Variants in SLC12A6 observed in about 807,000 individuals in gnomAD.
SLC12A6 encodes the protein solute carrier family 12 member 6.
Under a neutral mutation model 135.3 loss-of-function variants are expected in SLC12A6, and 66 were observed. That is an observed-to-expected ratio of 0.49 (90% CI 0.40 to 0.60). The LOEUF is 0.60. Ranked by LOEUF, SLC12A6 falls within the 20% of genes least tolerant of loss-of-function variation. SLC12A6 has a pLI of 0.00. For missense variants in SLC12A6, 1,058 were observed against 1,452.3 expected (o/e 0.73, Z 4.41); for synonymous variants, 513 against 508.8 (o/e 1.01, Z -0.11).
rs1892854763 is a variant in SLC12A6, at chr15:34,257,800, G to A, written c.544-12C>T. ...CCCATTTGGGGGGTCTAGAAAGAAA[G>A]ACATTGATAAAAAATCACACAGTTA... On this transcript the variant is annotated splice_polypyrimidine_tract_variant and intron_variant, in intron 5 of 25. Transcript: ENST00000354181. 1 of 1,584,090 alleles carries A rather than the reference G, an allele frequency of 6.3e-7. No individual in the cohort carries two copies. The highest frequency in any genetic ancestry group is 8.7e-7 in the Non-Finnish European group (1 of 1,153,712).
intron 13 of SLC12A6, among the ~76,000 whole-genome samples, chr15:34,248,787 A>C (rs1251324482): frequency 6.6e-6 from 1 of 152,156 alleles, no homozygotes; most frequent in Non-Finnish European, 1.5e-5. Flanking sequence ...CACAAGGTGG[A>C]GTGTTTACCT....
chr15:34,253,949 G>A (rs1335448373), intron 9 of SLC12A6, among the ~76,000 whole-genome samples: 1 of 152,222 alleles, frequency 6.6e-6, no homozygotes, highest in African/African-American at 2.4e-5. Context: ...GGGCGCAGTG[G>A]CTCACGCCTG....
In SLC12A6 at chr15:34,255,230, A is replaced by G. The variant is rs773575078; in HGVS notation, c.876+32T>C. On this transcript the variant is annotated intron_variant, in intron 8 of 25. Transcript: ENST00000354181. Reference sequence around the variant, plus strand: ...ATAAACCTAAATCAATATTTCTTCTATATTATAGACCACAATGAAGTCATT... The same window carrying G: ...ATAAACCTAAATCAATATTTCTTCTGTATTATAGACCACAATGAAGTCATT... 18 of 1,494,910 alleles carry G rather than the reference A, an allele frequency of 1.2e-5. 1 individual carries two copies. In the South Asian group the frequency reaches 1.8e-4, roughly 15 times the overall value. 92.6% of individuals were successfully genotyped at this position (1,494,910 alleles called of 1,614,324 possible).
At chr15:34,264,828 T>C (rs1369649825) in intron 3 of SLC12A6, among the ~76,000 whole-genome samples, 1 of 152,216 alleles carries the variant, frequency 6.6e-6, no homozygotes, top group African/African-American at 2.4e-5. Context: ...ACCTTTGATA[T>C]TTTCAGTAAC....
chr15:34,239,157 T>C lies in SLC12A6; in HGVS notation c.2440A>G (p.Ile814Val), dbSNP rs776740380. Residue 814 changes from isoleucine (I) to valine (V), a missense_variant, in exon 20 of 26, where the codon ATA (isoleucine) becomes GTA (valine). Coordinates refer to ENST00000354181, the MANE Select transcript of SLC12A6 (RefSeq NM_001365088.1). The part of the protein sequence containing the change: ...YGEALAAEQT[I>V]KHLMEAEKVK... ...TTCTCTGCCTCCATTAGGTGCTTTA[T>C]GGTCTGAAAGAGACACAGGACCGCA... 11 of 1,612,432 alleles carry C rather than the reference T, an allele frequency of 6.8e-6. No individual in the cohort carries two copies. Among genetic ancestry groups the C allele is most frequent in the South Asian group, 1.1e-5 (1 of 91,048 alleles).
chr15:34,288,464 G>A (rs151133371), intron 2 of SLC12A6, among the ~76,000 whole-genome samples: 1,540 of 152,256 alleles, frequency 0.01, 21 homozygotes, highest in Non-Finnish European at 0.018. Flanking sequence ...TTGGCAATGC[G>A]GGCTCTTTTT....
chr15:34,237,300 C>G, intron 22 of SLC12A6, 119 bp downstream of exon 22: 1 of 702,840 alleles, frequency 1.4e-6, no homozygotes, highest in Non-Finnish European at 2.3e-6. Context: ...TTTTTTTTGG[C>G]ACTAGGGGAT....
At chr15:34,334,105 ACCT>A (rs1404269257) in intron 2 of SLC12A6, among the ~76,000 whole-genome samples, 1 of 151,526 alleles carries the variant, frequency 6.6e-6, no homozygotes, top group African/African-American at 2.4e-5. Flanking sequence ...TTCATGTGTC[ACCT>A]CCTGTTTGTG....
At chr15:34,292,412 T>TG (rs201527741) in intron 2 of SLC12A6, among the ~76,000 whole-genome samples, 2,164 of 152,262 alleles carry the variant, frequency 0.014, 53 homozygotes, top group African/African-American at 0.05. Flanking sequence ...CGGCCCCTAC[T>TG]GGGAGATGTC....
chr15:34,333,232 C>CT (rs572611561), intron 2 of SLC12A6, among the ~76,000 whole-genome samples: 6,501 of 133,390 alleles, frequency 0.049, 362 homozygotes, highest in African/African-American at 0.13. Context: ...TTTTCTTTTT[C>CT]TTTTTTTTTT....
intron 2 of SLC12A6, among the ~76,000 whole-genome samples, chr15:34,281,270 ATACTT>A (rs1315657928): frequency 1.3e-5 from 2 of 152,192 alleles, no homozygotes; most frequent in Non-Finnish European, 2.9e-5. Context: ...TCTGATCACT[ATACTT>A]TAATAGGTAT....
At position 34,252,218 on chromosome 15, in the gene SLC12A6, C is replaced by T. The variant is rs752514623; in HGVS notation, c.1285G>A (p.Val429Ile). The change falls in exon 10 of 26, where the codon GTC becomes ATC. Residue 429 changes from valine to isoleucine, a missense_variant. By Grantham distance (29) the Val-to-Ile change is conservative. Coordinates refer to ENST00000354181, the MANE Select transcript of SLC12A6 (RefSeq NM_001365088.1). ...TCDEYFVHNN[V>I]TSIQGIPGLA... is the part of the protein sequence containing the mutation. Reference sequence around the variant, plus strand: ...CCAGGAATGCCCTGGATTGAAGTGACGTTATTGTGAACAAAGTATTCATCA... The same window carrying T: ...CCAGGAATGCCCTGGATTGAAGTGATGTTATTGTGAACAAAGTATTCATCA... 3.1e-6 allele frequency: 5 copies of T among 1,607,968 alleles called. No homozygotes were observed. The highest frequency in any genetic ancestry group is 1.7e-5 in the Admixed American group (1 of 59,974).
chr15:34,310,202 TGTGTG>T (rs1888064075), intron 2 of SLC12A6, among the ~76,000 whole-genome samples: 1 of 145,462 alleles, frequency 6.9e-6, no homozygotes, highest in Non-Finnish European at 1.5e-5. Context: ...TGTGTGTGTG[TGTGTG>T]TCCCTGTGTC....
chr15:34,305,352 C>G (rs1651369323), intron 2 of SLC12A6, among the ~76,000 whole-genome samples: 1 of 151,344 alleles, frequency 6.6e-6, no homozygotes, highest in South Asian at 2.1e-4. Flanking sequence ...TGTTAGGTGT[C>G]CTGAATCGAT....
chr15:34,254,674 A>T (rs997284346), intron 8 of SLC12A6, 85 bp from the exon 9 acceptor site: 4 of 1,018,104 alleles, frequency 3.9e-6, no homozygotes, highest in Non-Finnish European at 6.1e-6. Context: ...TTACTTTCAC[A>T]AAAGAAAGCA....
In SLC12A6 at chr15:34,236,831, C is replaced by T. The variant is rs1433836180; in HGVS notation, c.2935-16G>A. 1.4e-5 allele frequency: 20 copies of T among 1,458,946 alleles called. No individual in the cohort carries two copies. Among genetic ancestry groups the T allele is most frequent in the South Asian group, 9.1e-5 (8 of 88,014 alleles). The allele number at this position is 1,458,946 out of a possible 1,614,324, so 90.4% of individuals were successfully genotyped here. A position where few individuals can be genotyped will look rare whatever the true frequency, so the allele number is the denominator to read the frequency against. ...CACTGTCATGCTGCCATAGACATCA[C>T]ATAAAAGGGGCAAAAAGCACAAAGG... On this transcript the variant is annotated splice_polypyrimidine_tract_variant and intron_variant, in intron 22 of 25. Coordinates refer to ENST00000354181, the MANE Select transcript of SLC12A6 (RefSeq NM_001365088.1).
intron 2 of SLC12A6, among the ~76,000 whole-genome samples, chr15:34,290,426 T>G (rs7183269): frequency 0.23 from 35,485 of 152,144 alleles, 4,222 homozygotes; most frequent in South Asian, 0.35. Flanking sequence ...GAATAAGTGC[T>G]ATGTGGTGCT....
intron 2 of SLC12A6, among the ~76,000 whole-genome samples, chr15:34,325,646 A>G (rs1331230426): frequency 1.3e-5 from 2 of 152,188 alleles, no homozygotes; most frequent in African/African-American, 4.8e-5. Context: ...AATATATAAA[A>G]GACATTATTT....
rs780775015 is a variant in SLC12A6 at position 34,245,864 on chromosome 15, G to A, written c.1653C>T (p.Phe551=). 2.3e-5 allele frequency: 37 copies of A among 1,610,512 alleles called. No individual in the cohort carries two copies. The highest frequency in any genetic ancestry group is 2.7e-5 in the Non-Finnish European group (32 of 1,176,902). The change falls in exon 14 of 26, where the codon TTC becomes TTT. Residue 551 remains phenylalanine, a synonymous_variant. Transcript: ENST00000354181. Reference sequence around the variant, plus strand: ...CCAAATTACCTTTCACAGCATCACCGAACCTGGGAAAGAAATAGGAGTGGG... The same window carrying A: ...CCAAATTACCTTTCACAGCATCACCAAACCTGGGAAAGAAATAGGAGTGGG... ...CIEGVVLRDK[F]GDAVKGNLVV... is the part of the protein sequence containing the mutation.
Sources: allele counts gnomAD v4.1 joint callset (sites outside exome capture counted in the v4.1 genomes callset), GRCh38; gene constraint gnomAD v4.1.1; transcripts MANE v1.5; gene names NCBI Gene and HGNC (gene_info 2026-07-23, HGNC 2026-07-21).